DOCK3: variants seen among roughly 807,000 people sequenced by gnomAD.
DOCK3 encodes dedicator of cytokinesis protein 3.
A neutral mutation model predicts 265.6 loss-of-function variants in DOCK3; 60 were observed. The ratio of observed to expected loss-of-function variants is 0.23; its 90% CI spans 0.18 to 0.28. The LOEUF (loss-of-function observed/expected upper bound fraction) is 0.28, where lower values mean the gene tolerates loss of function less well. Ranked by LOEUF, DOCK3 falls within the 10% of genes least tolerant of loss-of-function variation. The probability of loss-of-function intolerance (pLI) is 1.00; values close to 1 mark genes in which losing one functional copy is unlikely to be tolerated. For missense variants in DOCK3, 1,981 were observed against 2,594.3 expected (o/e 0.76, Z 5.14); for synonymous variants, 881 against 938.0 (o/e 0.94, Z 1.11).
chr3:51,350,592 C>T (rs2085911699), intron 40 of DOCK3, among the ~76,000 whole-genome samples, 200 bp downstream of exon 40: 1 of 152,172 alleles, frequency 6.6e-6, no homozygotes, highest in Non-Finnish European at 1.5e-5. Context: ...CTCTGTTATT[C>T]TGTAGCTACC....
intron 9 of DOCK3, among the ~76,000 whole-genome samples, chr3:51,094,288 C>A (rs2082742423): frequency 2.0e-5 from 3 of 152,166 alleles, no homozygotes; most frequent in African/African-American, 7.2e-5. Context: ...GGCTGTGAAT[C>A]TCTCTGGTCC....
chr3:50,933,259 T>C (rs2051169581), intron 4 of DOCK3, among the ~76,000 whole-genome samples: 1 of 152,208 alleles, frequency 6.6e-6, no homozygotes, highest in African/African-American at 2.4e-5. Flanking sequence ...GATTTATTAC[T>C]GTCCATGTCT....
rs560219043 is a variant in DOCK3, at chr3:50,701,561, T to C, written c.37+26261T>C. Among the ~76,000 whole-genome samples, 8 of 152,360 alleles carry C rather than the reference T, an allele frequency of 5.3e-5. No homozygotes were observed. The South Asian group carries it at 6.2e-4, about 12-fold the overall frequency. On this transcript the variant is annotated intron_variant, in intron 1 of 52. Transcript: ENST00000266037. ...TGTCTCTTTACTCTGTTTATTGTTTTCTTTGCTGTGCAGAAGCTTTTAATT... is the reference window on the plus strand; with the variant it reads ...TGTCTCTTTACTCTGTTTATTGTTTCCTTTGCTGTGCAGAAGCTTTTAATT...
At chr3:50,768,411 C>CA (rs1447243646) in intron 1 of DOCK3, among the ~76,000 whole-genome samples, 6 of 152,034 alleles carry the variant, frequency 3.9e-5, no homozygotes, top group Non-Finnish European at 7.4e-5. Flanking sequence ...AACATCGATG[C>CA]AAAAATCCTC....
At chr3:51,312,606 T>G (rs1165688032) in intron 30 of DOCK3, 30 bp downstream of exon 30, 2 of 1,543,318 alleles carry the variant, frequency 1.3e-6, no homozygotes, top group South Asian at 2.5e-5. Context: ...TTCATCTCCT[T>G]ACCACTTGGC....
At chr3:51,270,194 C>T (rs1283035047) in intron 23 of DOCK3, among the ~76,000 whole-genome samples, 1 of 152,216 alleles carries the variant, frequency 6.6e-6, no homozygotes, top group Non-Finnish European at 1.5e-5. Context: ...GAGTTTATGG[C>T]TAACTAAATA....
chr3:51,309,247 G>C (rs2082908025), intron 27 of DOCK3, among the ~76,000 whole-genome samples: 1 of 152,214 alleles, frequency 6.6e-6, no homozygotes, highest in Admixed American at 6.5e-5. Context: ...GGGAGGTAGA[G>C]GTTGTAGCAA....
chr3:51,157,457 G>T (rs1471199952), intron 10 of DOCK3, among the ~76,000 whole-genome samples: 1 of 152,118 alleles, frequency 6.6e-6, no homozygotes, highest in Non-Finnish European at 1.5e-5. Flanking sequence ...TGTTGGCCAG[G>T]CTGGTCTCGA....
intron 2 of DOCK3, among the ~76,000 whole-genome samples, chr3:50,836,614 G>A (rs2045527225): frequency 6.6e-6 from 1 of 152,174 alleles, no homozygotes; most frequent in African/African-American, 2.4e-5. Flanking sequence ...AGGCGTCTGG[G>A]CCTGTGATGA....
chr3:51,191,178 T>G (rs958466767), intron 12 of DOCK3, among the ~76,000 whole-genome samples: 1 of 151,662 alleles, frequency 6.6e-6, no homozygotes, highest in African/African-American at 2.4e-5. Context: ...GCTACACCCC[T>G]CCCAGTCCAC....
At chr3:51,085,533 A>G (rs1268399293) in intron 7 of DOCK3, among the ~76,000 whole-genome samples, 4 of 152,350 alleles carry the variant, frequency 2.6e-5, no homozygotes, top group African/African-American at 9.6e-5. Flanking sequence ...TAAACTGTAT[A>G]AACACATGGA....
chr3:50,981,986 C>G (rs907652966), intron 5 of DOCK3, among the ~76,000 whole-genome samples: 6 of 151,898 alleles, frequency 4.0e-5, no homozygotes, highest in Non-Finnish European at 8.8e-5. Context: ...GTAGCTGGGA[C>G]TACAGGAGCA....
intron 5 of DOCK3, among the ~76,000 whole-genome samples, chr3:50,974,694 G>C (rs2077370818): frequency 1.2e-5 from 1 of 85,206 alleles, no homozygotes; most frequent in African/African-American, 3.8e-5. Context: ...TCGGTAGCTT[G>C]ATGGGGATGG....
chr3:51,344,689 T>C (rs1030375926), intron 38 of DOCK3, among the ~76,000 whole-genome samples: 1 of 152,084 alleles, frequency 6.6e-6, no homozygotes, highest in Non-Finnish European at 1.5e-5. Flanking sequence ...GTAGGGAGTT[T>C]TAGAGTTAGC....
intron 32 of DOCK3, among the ~76,000 whole-genome samples, chr3:51,329,456 C>CT (rs1283320726): frequency 6.6e-6 from 1 of 152,206 alleles, no homozygotes; most frequent in African/African-American, 2.4e-5. Context: ...AAAAAAGTGA[C>CT]TGAGTACTGC....
intron 5 of DOCK3, among the ~76,000 whole-genome samples, chr3:51,013,980 G>A (rs2079052147): frequency 6.6e-6 from 1 of 152,208 alleles, no homozygotes; most frequent in Non-Finnish European, 1.5e-5. Flanking sequence ...CCATGCGCAG[G>A]ATATAATCTC....
intron 12 of DOCK3, among the ~76,000 whole-genome samples, chr3:51,204,089 C>G (rs1316323466): frequency 6.8e-6 from 1 of 146,792 alleles, no homozygotes; most frequent in Non-Finnish European, 1.5e-5. Flanking sequence ...CATTACCATT[C>G]AGGACATAGG....
At chr3:50,971,623 T>C (rs540948925) in intron 5 of DOCK3, among the ~76,000 whole-genome samples, 2 of 152,224 alleles carry the variant, frequency 1.3e-5, no homozygotes, top group African/African-American at 2.4e-5. Context: ...GTTCAACCTG[T>C]AGGCCAGTAG....
chr3:50,836,962 A>G (rs112437261), intron 2 of DOCK3, among the ~76,000 whole-genome samples: 101 of 152,152 alleles, frequency 6.6e-4, no homozygotes, highest in African/African-American at 2.4e-3. Context: ...CCTTTATTCC[A>G]ATTCCCAACA....
Sources: allele counts gnomAD v4.1 joint callset (sites outside exome capture counted in the v4.1 genomes callset), GRCh38; gene constraint gnomAD v4.1.1; transcripts MANE v1.5; gene names NCBI Gene and HGNC (gene_info 2026-07-23, HGNC 2026-07-21).